KIAA0825: variants seen among roughly 807,000 people sequenced by gnomAD.
KIAA0825 encodes KIAA0825, also known as uncharacterized protein KIAA0825.
A neutral mutation model predicts 147.6 loss-of-function variants in KIAA0825; 119 were observed. That is an observed-to-expected ratio of 0.81 (90% confidence interval 0.69 to 0.94). The LOEUF (loss-of-function observed/expected upper bound fraction) is 0.94. KIAA0825 is among the 40% of genes least tolerant of loss of function. KIAA0825 has a pLI of 0.00. For synonymous variants in KIAA0825, 470 were observed against 518.1 expected (o/e 0.91, Z 1.26); for missense variants, 1,381 against 1,472.7 (o/e 0.94, Z 1.02).
chr5:94,378,947 G>A (rs931046604), intron 20 of KIAA0825, among the ~76,000 whole-genome samples: 2 of 151,956 alleles, frequency 1.3e-5, no homozygotes, highest in African/African-American at 2.4e-5. Flanking sequence ...TTTTTAATGG[G>A]GTTGTTTGCT....
At chr5:94,216,406 T>G (rs886067485) in intron 20 of KIAA0825, among the ~76,000 whole-genome samples, 1 of 152,180 alleles carries the variant, frequency 6.6e-6, no homozygotes, top group Non-Finnish European at 1.5e-5. Flanking sequence ...AGAAACATTG[T>G]TGGAAGCCTG....
At chr5:94,338,356 G>A (rs975594740) in intron 20 of KIAA0825, among the ~76,000 whole-genome samples, 3 of 151,418 alleles carry the variant, frequency 2.0e-5, no homozygotes, top group Non-Finnish European at 2.9e-5. Flanking sequence ...TAAGTAAAAT[G>A]TAGTCGTTTT....
chr5:94,541,708 A>G (rs1260539305), intron 2 of KIAA0825, among the ~76,000 whole-genome samples: 3 of 152,232 alleles, frequency 2.0e-5, no homozygotes, highest in Admixed American at 6.5e-5. Flanking sequence ...TGCAAATCTT[A>G]CCTTATGGTC....
At chr5:94,608,843 A>C (rs2152434272) in intron 1 of KIAA0825, among the ~76,000 whole-genome samples, 2 of 152,072 alleles carry the variant, frequency 1.3e-5, no homozygotes, top group East Asian at 3.9e-4. Context: ...TCTCCTGATG[A>C]GACTACTGGT....
At chr5:94,235,594 C>T (rs367813170) in intron 20 of KIAA0825, among the ~76,000 whole-genome samples, 7 of 152,328 alleles carry the variant, frequency 4.6e-5, no homozygotes, top group African/African-American at 1.7e-4. Context: ...AAGGTGGCTA[C>T]ACTAAACAAC....
chr5:94,372,626 G>A (rs529262801), intron 20 of KIAA0825, among the ~76,000 whole-genome samples: 40 of 152,300 alleles, frequency 2.6e-4, no homozygotes, highest in Admixed American at 1.2e-3. Context: ...GAGGAGGGGG[G>A]CCCTGGGCCC....
intron 20 of KIAA0825, among the ~76,000 whole-genome samples, chr5:94,315,644 A>G (rs1441270923): frequency 6.6e-6 from 1 of 151,770 alleles, no homozygotes; most frequent in Non-Finnish European, 1.5e-5. Flanking sequence ...TGTGACATAA[A>G]TTGTAGTTAT....
intron 20 of KIAA0825, among the ~76,000 whole-genome samples, chr5:94,169,194 C>A (rs529876786): frequency 6.6e-6 from 1 of 152,308 alleles, no homozygotes; most frequent in South Asian, 2.1e-4. Context: ...GTTTACAATT[C>A]TGTCATTCCA....
chr5:94,376,879 C>A (rs760860625), intron 20 of KIAA0825, among the ~76,000 whole-genome samples: 1 of 152,166 alleles, frequency 6.6e-6, no homozygotes, highest in Admixed American at 6.5e-5. Context: ...ACCCACTTCT[C>A]CATAACCAGG....
At chr5:94,452,865 A>G (rs1343667792) in intron 13 of KIAA0825, 94 bp downstream of exon 13, 1 of 615,188 alleles carries the variant, frequency 1.6e-6, no homozygotes, top group Non-Finnish European at 2.6e-6. Context: ...TTTTTGTAAG[A>G]TATAAGTTCG....
At chr5:94,183,035 G>T (rs1769806303) in intron 20 of KIAA0825, among the ~76,000 whole-genome samples, 1 of 152,054 alleles carries the variant, frequency 6.6e-6, no homozygotes, top group East Asian at 1.9e-4. Flanking sequence ...GAGAGTTTGT[G>T]GGTTTTGTTT....
At chr5:94,254,883 A>G (rs1193752543) in intron 20 of KIAA0825, among the ~76,000 whole-genome samples, 1 of 152,054 alleles carries the variant, frequency 6.6e-6, no homozygotes, top group Non-Finnish European at 1.5e-5. Flanking sequence ...ATTATTTTTC[A>G]TTATGCTAGA....
chr5:94,350,548 C>T (rs191912392), intron 20 of KIAA0825, among the ~76,000 whole-genome samples: 232 of 152,112 alleles, frequency 1.5e-3, no homozygotes, highest in African/African-American at 5.0e-3. Context: ...ATTAGCTAAC[C>T]GAATCCAACA....
At chr5:94,441,745 ATGTT>A (rs1757111827) in intron 13 of KIAA0825, among the ~76,000 whole-genome samples, 1 of 152,160 alleles carries the variant, frequency 6.6e-6, no homozygotes, top group African/African-American at 2.4e-5. Context: ...TGAGAAATAA[ATGTT>A]TGTTAAGCCA....
At chr5:94,527,987 G>T (rs955379613) in intron 3 of KIAA0825, among the ~76,000 whole-genome samples, 2 of 151,776 alleles carry the variant, frequency 1.3e-5, no homozygotes, top group Non-Finnish European at 2.9e-5. Context: ...AAAAAGAATA[G>T]TTAAAAAAAG....
intron 3 of KIAA0825, among the ~76,000 whole-genome samples, chr5:94,526,294 T>C: frequency 6.6e-6 from 1 of 151,922 alleles, no homozygotes; most frequent in Non-Finnish European, 1.5e-5. Context: ...AGTAAAAGTG[T>C]AAGGAAATGC....
intron 20 of KIAA0825, among the ~76,000 whole-genome samples, chr5:94,270,816 GA>G (rs1776948385): frequency 6.6e-6 from 1 of 152,032 alleles, no homozygotes; most frequent in Non-Finnish European, 1.5e-5. Flanking sequence ...ATAGGAAGGG[GA>G]AAATAGAGTT....
At chr5:94,238,780 CTT>C (rs1430106097) in intron 20 of KIAA0825, among the ~76,000 whole-genome samples, 1 of 152,082 alleles carries the variant, frequency 6.6e-6, no homozygotes, top group Non-Finnish European at 1.5e-5. Flanking sequence ...TCCCCCATTT[CTT>C]TCTTTTTTCC....
chr5:94,429,825 C>T (rs1021822266), intron 14 of KIAA0825, among the ~76,000 whole-genome samples: 10 of 152,146 alleles, frequency 6.6e-5, no homozygotes, highest in South Asian at 2.1e-4. Context: ...GAAACCACCT[C>T]GGGTCCAAGT....
Sources: allele counts gnomAD v4.1 joint callset (sites outside exome capture counted in the v4.1 genomes callset), GRCh38; gene constraint gnomAD v4.1.1; transcripts MANE v1.5; gene names NCBI Gene and HGNC (gene_info 2026-07-23, HGNC 2026-07-21).